GHR: variants seen among roughly 807,000 people sequenced by gnomAD.
GHR encodes GH receptor.
Under a neutral mutation model 67.1 loss-of-function variants are expected in GHR, and 35 were observed. That is an observed-to-expected ratio of 0.52 (90% CI 0.40 to 0.69). GHR has a LOEUF of 0.69. Ranked by LOEUF, GHR falls within the 30% of genes least tolerant of loss-of-function variation. The pLI, the probability that GHR is intolerant of heterozygous loss-of-function variation, is 0.00. For synonymous variants in GHR, 272 were observed against 269.1 expected (o/e 1.01, Z -0.10); for missense variants, 792 against 764.6 (o/e 1.04, Z -0.42).
At chr5:42,467,392 T>A in intron 1 of GHR, 1 of 941,518 alleles carries the variant, frequency 1.1e-6, no homozygotes, top group Non-Finnish European at 1.7e-6. Context: ...AGAGGGCTTC[T>A]CCCCAGTGTG....
At position 42,688,875 on chromosome 5, in the gene GHR, C is replaced by A; in HGVS notation, c.137-15C>A. The A allele has an allele frequency of 1.9e-6, 3 of 1,613,240 alleles. No individual in the cohort carries two copies. The highest frequency in any genetic ancestry group is 3.3e-4 in the Middle Eastern group (2 of 6,056). ...CACCTGATTTCATGCCTTGCCTTTT[C>A]TTTTTATTCTGCAGATTCTTCTAAG... is the stretch of plus-strand genomic sequence containing the variant. On this transcript the variant is annotated splice_polypyrimidine_tract_variant and intron_variant, in intron 3 of 9. Coordinates refer to ENST00000230882, the MANE Select transcript of GHR (RefSeq NM_000163.5).
chr5:42,530,916 C>G (rs1424081818), intron 1 of GHR, among the ~76,000 whole-genome samples: 1 of 152,130 alleles, frequency 6.6e-6, no homozygotes. Context: ...GGGAAATGCT[C>G]CCGCATACAT....
chr5:42,702,341 C>T (rs1221820728), intron 6 of GHR, among the ~76,000 whole-genome samples: 2 of 152,042 alleles, frequency 1.3e-5, no homozygotes, highest in East Asian at 3.8e-4. Context: ...ATATAATATC[C>T]TCCAGGTTCA....
intron 2 of GHR, among the ~76,000 whole-genome samples, chr5:42,611,251 G>A (rs1263390057): frequency 2.0e-5 from 3 of 152,198 alleles, no homozygotes; most frequent in Admixed American, 6.5e-5. Context: ...GTGTCTAAAT[G>A]TATGGTTGGA....
intron 3 of GHR, among the ~76,000 whole-genome samples, chr5:42,686,007 G>T (rs938378946): frequency 9.9e-5 from 15 of 152,124 alleles, no homozygotes; most frequent in Admixed American, 5.2e-4. Flanking sequence ...TAGTCATGAA[G>T]TCTTTGCTCA....
At chr5:42,712,238 A>G (rs1758497415) in intron 7 of GHR, among the ~76,000 whole-genome samples, 1 of 152,208 alleles carries the variant, frequency 6.6e-6, no homozygotes, top group Non-Finnish European at 1.5e-5. Flanking sequence ...TAGCATTAGG[A>G]TGAAAATTTC....
intron 8 of GHR, among the ~76,000 whole-genome samples, chr5:42,716,277 T>C (rs1249702145): frequency 2.0e-5 from 3 of 152,164 alleles, no homozygotes; most frequent in African/African-American, 7.2e-5. Context: ...CAACTATGAA[T>C]GCATGATTTG....
intron 2 of GHR, among the ~76,000 whole-genome samples, chr5:42,620,978 T>A (rs754920425): frequency 6.6e-6 from 1 of 152,160 alleles, no homozygotes; most frequent in African/African-American, 2.4e-5. Flanking sequence ...CTGGCTGGCC[T>A]ACCTAGGATT....
chr5:42,697,764 C>T (rs943887425), intron 5 of GHR, among the ~76,000 whole-genome samples: 3 of 152,084 alleles, frequency 2.0e-5, no homozygotes, highest in Non-Finnish European at 2.9e-5. Flanking sequence ...AGATGATGAG[C>T]GATGTGATCT....
intron 1 of GHR, among the ~76,000 whole-genome samples, chr5:42,481,910 G>T (rs1208350677): frequency 6.6e-6 from 1 of 151,962 alleles, no homozygotes; most frequent in East Asian, 1.9e-4. Flanking sequence ...ATCCATCTTT[G>T]TTCCATTGCT....
At chr5:42,447,940 T>G (rs1034197889) in intron 1 of GHR, among the ~76,000 whole-genome samples, 2 of 151,848 alleles carry the variant, frequency 1.3e-5, no homozygotes, top group Non-Finnish European at 2.9e-5. Context: ...TTTTCTATCT[T>G]TAGTAGAGAT....
At chr5:42,515,279 G>A (rs1353513649) in intron 1 of GHR, among the ~76,000 whole-genome samples, 1 of 152,172 alleles carries the variant, frequency 6.6e-6, no homozygotes, top group African/African-American at 2.4e-5. Context: ...TTTGGCTTAG[G>A]CTAGTGTCTC....
chr5:42,460,662 A>C (rs1451484431), intron 1 of GHR, among the ~76,000 whole-genome samples: 1 of 152,228 alleles, frequency 6.6e-6, no homozygotes, highest in African/African-American at 2.4e-5. Flanking sequence ...ATATCTGCAG[A>C]ATGTTAAATC....
intron 1 of GHR, among the ~76,000 whole-genome samples, chr5:42,458,025 A>C (rs1191682501): frequency 6.6e-6 from 1 of 152,250 alleles, no homozygotes; most frequent in Non-Finnish European, 1.5e-5. Flanking sequence ...GAAGATACCC[A>C]TGTATATCTT....
At chr5:42,480,005 C>A (rs1012119456) in intron 1 of GHR, among the ~76,000 whole-genome samples, 1 of 152,172 alleles carries the variant, frequency 6.6e-6, no homozygotes, top group Non-Finnish European at 1.5e-5. Flanking sequence ...ATCTTTCCTG[C>A]TTTCTCTGGT....
intron 3 of GHR, among the ~76,000 whole-genome samples, chr5:42,632,264 C>T (rs1259374336): frequency 2.6e-5 from 4 of 152,140 alleles, no homozygotes; most frequent in Non-Finnish European, 5.9e-5. Context: ...CCTCCCACCC[C>T]ATCCTGGATT....
intron 3 of GHR, among the ~76,000 whole-genome samples, chr5:42,676,941 T>C (rs895170035): frequency 3.0e-4 from 46 of 152,242 alleles, no homozygotes; most frequent in African/African-American, 1.1e-3. Context: ...AGTGTTTATG[T>C]AAGCCTGCTG....
chr5:42,532,285 A>G (rs976533204), intron 1 of GHR, among the ~76,000 whole-genome samples: 8 of 152,086 alleles, frequency 5.3e-5, no homozygotes, highest in African/African-American at 1.9e-4. Flanking sequence ...TCTGTGTAAT[A>G]TTTAGGGACT....
Position 42,718,772 on chromosome 5 carries a change from A to T in GHR, c.1265A>T (p.Asp422Val). The T allele has an allele frequency of 6.2e-7, 1 of 1,614,162 alleles. No homozygotes were observed. Among genetic ancestry groups the T allele is most frequent in the Non-Finnish European group, 8.5e-7 (1 of 1,180,018 alleles). The change falls in exon 10 of 10, where the codon GAT (aspartate) becomes GTT (valine). Residue 422 changes from aspartate (D) to valine (V), a missense_variant. By Grantham distance (152) the Asp-to-Val change is radical (BLOSUM62 -3). Transcript: ENST00000230882. The stretch of plus-strand genomic sequence containing the variant: ...CCACAGAGGTTAAAAGGGGAAGCAG[A>T]TCTCTTATGCCTTGACCAGAAGAAT... The part of the protein sequence containing the change: ...AQPQRLKGEA[D>V]LLCLDQKNQN...
Sources: gnomAD v4.1 joint callset for allele counts (sites outside exome capture counted in the v4.1 genomes callset) on GRCh38, gnomAD v4.1.1 for gene constraint, MANE v1.5 for transcripts, NCBI Gene and HGNC (gene_info 2026-07-23, HGNC 2026-07-21) for gene names.